DGLUCY: variants seen among roughly 807,000 people sequenced by gnomAD.
The protein encoded by DGLUCY is D-glutamate cyclase.
In DGLUCY, 58 loss-of-function variants were observed where a neutral mutation model predicts 58.5. That is an observed-to-expected ratio of 0.99 (90% confidence interval 0.80 to 1.23). DGLUCY has a LOEUF of 1.23. DGLUCY is among the 50% of genes most tolerant of loss of function. The pLI is 0.00. For missense variants in DGLUCY, 779 were observed against 784.7 expected, an observed-to-expected ratio of 0.99 and a Z score of 0.09; for synonymous variants, 325 against 314.1, an observed-to-expected ratio of 1.03 and a Z score of -0.37.
At position 91,189,127 on chromosome 14, in the gene DGLUCY, C is replaced by G. The variant is rs752933525; in HGVS notation, c.1152C>G (p.Ala384=). 6.2e-7 allele frequency: 1 copy of G among 1,614,202 alleles called. No homozygotes were observed. The highest frequency in any genetic ancestry group is 2.2e-5 in the East Asian group (1 of 44,880). ...TCGCCATAATCGTTGACCAGAGAGC[C>G]TGGAACTTGCACCAGAAGATTGTTG... The part of the protein sequence containing the change: ...KEVAIIVDQR[A]WNLHQKIVED... Residue 384 remains alanine, a synonymous_variant, in exon 9 of 14, where the codon GCC becomes GCG. Coordinates refer to ENST00000256324, the MANE Select transcript of DGLUCY (RefSeq NM_001102368.3).
chr14:91,130,320 T>TTTG (rs2045959775), intron 1 of DGLUCY, among the ~76,000 whole-genome samples: 1 of 148,496 alleles, frequency 6.7e-6, no homozygotes, highest in African/African-American at 2.4e-5. Flanking sequence ...TTTTTTTTTT[T>TTTG]AGACAGAGTC....
At chr14:91,220,711 T>A (rs1567019238) in intron 13 of DGLUCY, 1 of 454,390 alleles carries the variant, frequency 2.2e-6, no homozygotes, top group Non-Finnish European at 4.4e-6. Context: ...GATGAGACCA[T>A]GATTATACCA....
chr14:91,196,744 T>TAAAAAAAAAAAAAAAAAAAAAA, intron 10 of DGLUCY, among the ~76,000 whole-genome samples: 1 of 94,870 alleles, frequency 1.1e-5, no homozygotes, highest in Non-Finnish European at 2.1e-5. Context: ...GACATAGCAC[T>TAAAAAAAAAAAAAAAAAAAAAA]AAAAAAAAAA....
rs772321474 is a variant in DGLUCY at position 91,160,382 on chromosome 14, T to TCTGGCTGGAGGTAAG, written c.89_90insTGGCTGGAGGTAAGC (p.Ser30_Ser31insGlyTrpArgTer). 23 of 1,377,418 alleles carry TCTGGCTGGAGGTAAG rather than the reference T, an allele frequency of 1.7e-5. No individual in the cohort carries two copies. The East Asian group carries it at 5.6e-4, about 33-fold the overall frequency. The allele number at this position is 1,377,418 out of a possible 1,614,324, so 85.3% of individuals were successfully genotyped here. On this transcript the variant is annotated stop_gained and inframe_insertion, in exon 3 of 14. Coordinates refer to ENST00000256324, the MANE Select transcript of DGLUCY (RefSeq NM_001102368.3). LOFTEE classifies it high-confidence loss of function. Reference sequence around the variant, plus strand: ...AAAGAAACCAAACATCAGAAATACATCCAGCATGGCTGGAGGTAAGTGGTG... The same window carrying TCTGGCTGGAGGTAAG: ...AAAGAAACCAAACATCAGAAATACATCTGGCTGGAGGTAAGCCAGCATGGCTGGAGGTAAGTGGTG...
At chr14:91,163,446 G>A (rs2048103938) in intron 3 of DGLUCY, among the ~76,000 whole-genome samples, 1 of 152,116 alleles carries the variant, frequency 6.6e-6, no homozygotes, top group African/African-American at 2.4e-5. Flanking sequence ...CGGCAGCTGG[G>A]GGTGTCTCAC....
chr14:91,200,975 A>G (rs1014995911), intron 11 of DGLUCY, among the ~76,000 whole-genome samples: 2 of 151,772 alleles, frequency 1.3e-5, no homozygotes, highest in African/African-American at 4.8e-5. Flanking sequence ...AGGATATTAC[A>G]AAGTACCTTC....
At position 91,196,335 on chromosome 14, in the gene DGLUCY, A is replaced by C. The variant is rs368712250; in HGVS notation, c.1196-40A>C. On this transcript the variant is annotated intron_variant, in intron 9 of 13. Transcript: ENST00000256324. ...CCAACGTGAATTTCCAAAAGCCAAC[A>C]CTAGAGCTGATGTGTGCCCTGCTTG... 7.0e-6 allele frequency: 11 copies of C among 1,570,362 alleles called. No homozygotes were observed. The East Asian group carries it at 1.1e-4, about 16-fold the overall frequency.
intron 13 of DGLUCY, among the ~76,000 whole-genome samples, chr14:91,219,527 T>C (rs60380164): frequency 0.019 from 2,966 of 152,254 alleles, 102 homozygotes; most frequent in African/African-American, 0.067. Flanking sequence ...GCTTGATTGG[T>C]TGGGGCAGAG....
At chr14:91,212,108 T>C (rs1885771661) in intron 12 of DGLUCY, among the ~76,000 whole-genome samples, 1 of 152,232 alleles carries the variant, frequency 6.6e-6, no homozygotes, top group Non-Finnish European at 1.5e-5. Flanking sequence ...TGGCTGATTA[T>C]GACTTTTTAG....
intron 13 of DGLUCY, among the ~76,000 whole-genome samples, chr14:91,222,114 CT>C (rs1394524089): frequency 2.6e-5 from 4 of 152,210 alleles, no homozygotes; most frequent in Non-Finnish European, 5.9e-5. Context: ...GTGCAGTGGC[CT>C]TCAGGCGCCC....
chr14:91,178,286 C>T (rs531310478), intron 7 of DGLUCY, among the ~76,000 whole-genome samples: 1 of 152,190 alleles, frequency 6.6e-6, no homozygotes, highest in South Asian at 2.1e-4. Flanking sequence ...CCACCTGAGC[C>T]TCTGGAGTAG....
intron 1 of DGLUCY, among the ~76,000 whole-genome samples, chr14:91,151,679 C>T (rs1595771005): frequency 7.9e-6 from 1 of 126,072 alleles, no homozygotes; most frequent in African/African-American, 3.1e-5. Context: ...TTTTGAGATG[C>T]AGTCTTGCTC....
At chr14:91,217,863 G>A (rs1384968687) in intron 13 of DGLUCY, among the ~76,000 whole-genome samples, 5 of 151,900 alleles carry the variant, frequency 3.3e-5, no homozygotes, top group African/African-American at 9.7e-5. Flanking sequence ...CTCCCTCTCT[G>A]TTTCTCTGTG....
chr14:91,113,491 A>G (rs1029667564), upstream of DGLUCY, among the ~76,000 whole-genome samples: 2 of 152,170 alleles, frequency 1.3e-5, no homozygotes, highest in Non-Finnish European at 2.9e-5. Flanking sequence ...GTTCTAGTGC[A>G]TAATGCTTAT....
At chr14:91,129,783 A>T (rs1357296050) in intron 1 of DGLUCY, among the ~76,000 whole-genome samples, 1 of 151,978 alleles carries the variant, frequency 6.6e-6, no homozygotes, top group East Asian at 1.9e-4. Flanking sequence ...AGTAGCTGGG[A>T]TTACAGACAT....
chr14:91,113,254 C>T (rs989520762), upstream of DGLUCY, among the ~76,000 whole-genome samples: 6 of 152,130 alleles, frequency 3.9e-5, no homozygotes, highest in African/African-American at 9.7e-5. Context: ...GAGCGGAGAT[C>T]GTGCCACTGC....
At chr14:91,102,132 G>A (rs549539821) in intron 1 of DGLUCY, among the ~76,000 whole-genome samples, 10 of 152,002 alleles carry the variant, frequency 6.6e-5, no homozygotes, top group Non-Finnish European at 1.3e-4. Flanking sequence ...CATATGCCTC[G>A]AAAATATGTA....
intron 9 of DGLUCY, among the ~76,000 whole-genome samples, chr14:91,194,146 C>T (rs544387930): frequency 4.6e-5 from 7 of 152,212 alleles, no homozygotes; most frequent in Non-Finnish European, 7.3e-5. Context: ...GTGTGCACGA[C>T]GGCCAGCCAG....
intron 7 of DGLUCY, among the ~76,000 whole-genome samples, chr14:91,176,282 G>A (rs2048849149): frequency 6.6e-6 from 1 of 152,014 alleles, no homozygotes; most frequent in South Asian, 2.1e-4. Flanking sequence ...CTAGAGTGCT[G>A]TGGTGCAATC....
Sources: gnomAD v4.1 joint callset for allele counts (sites outside exome capture counted in the v4.1 genomes callset) on GRCh38, gnomAD v4.1.1 for gene constraint, MANE v1.5 for transcripts, NCBI Gene and HGNC (gene_info 2026-07-23, HGNC 2026-07-21) for gene names.